CNTNAP4: variants seen among roughly 807,000 people sequenced by gnomAD.
CNTNAP4 encodes the protein contactin associated protein family member 4.
A neutral mutation model predicts 148.4 loss-of-function variants in CNTNAP4; 98 were observed. That is an observed-to-expected ratio of 0.66 (90% CI 0.56 to 0.78). The LOEUF (loss-of-function observed/expected upper bound fraction) is 0.78, where lower values mean the gene tolerates loss of function less well. Ranked by LOEUF, CNTNAP4 falls within the 30% of genes least tolerant of loss-of-function variation. The pLI is 0.00. For synonymous variants in CNTNAP4, 730 were observed against 565.1 expected, an observed-to-expected ratio of 1.29 and a Z score of -4.14; for missense variants, 1,935 against 1,565.6, an observed-to-expected ratio of 1.24 and a Z score of -3.98.
At chr16:76,552,596 G>T (rs1212109818) in intron 21 of CNTNAP4, among the ~76,000 whole-genome samples, 1 of 152,090 alleles carries the variant, frequency 6.6e-6, no homozygotes, top group East Asian at 1.9e-4. Context: ...TGTCTTTAGA[G>T]GGCACAGATA....
intron 21 of CNTNAP4, among the ~76,000 whole-genome samples, chr16:76,545,263 A>G (rs2084661330): frequency 6.6e-6 from 1 of 152,192 alleles, no homozygotes; most frequent in Non-Finnish European, 1.5e-5. Flanking sequence ...TGAAGGCTTT[A>G]GTCGATTCCA....
chr16:76,523,552 A>G (rs1388796113), intron 17 of CNTNAP4, among the ~76,000 whole-genome samples: 1 of 152,152 alleles, frequency 6.6e-6, no homozygotes. Context: ...TGGACCATGA[A>G]TTATCTCTTA....
intron 3 of CNTNAP4, among the ~76,000 whole-genome samples, chr16:76,379,508 G>A (rs1449430026): frequency 6.6e-6 from 1 of 152,070 alleles, no homozygotes; most frequent in Non-Finnish European, 1.5e-5. Context: ...ATTCCAAAAT[G>A]TACTACTCTT....
At chr16:76,364,958 G>A (rs2013929016) in intron 3 of CNTNAP4, among the ~76,000 whole-genome samples, 1 of 152,150 alleles carries the variant, frequency 6.6e-6, no homozygotes, top group Non-Finnish European at 1.5e-5. Flanking sequence ...CCATGCCTAG[G>A]TCCTGAATGG....
At chr16:76,410,201 A>G (rs1203669853) in intron 3 of CNTNAP4, among the ~76,000 whole-genome samples, 1 of 151,736 alleles carries the variant, frequency 6.6e-6, no homozygotes, top group African/African-American at 2.4e-5. Context: ...GGGAGTATTA[A>G]TATTTCACTT....
intron 3 of CNTNAP4, among the ~76,000 whole-genome samples, chr16:76,421,973 C>T (rs2079206309): frequency 6.6e-6 from 1 of 152,146 alleles, no homozygotes; most frequent in African/African-American, 2.4e-5. Flanking sequence ...ATATGGGCAT[C>T]TCCCTTTATA....
Position 76,553,415 on chromosome 16 carries a change from C to T in CNTNAP4, c.3575C>T (p.Thr1192Ile). The T allele has an allele frequency of 6.2e-7, 1 of 1,612,666 alleles. No homozygotes were observed. The highest frequency in any genetic ancestry group is 8.5e-7 in the Non-Finnish European group (1 of 1,179,324). Residue 1192 changes from threonine (T) to isoleucine (I), a missense_variant, in exon 22 of 24, where the codon ACT becomes ATT. By Grantham distance (89) the Thr-to-Ile change is moderately conservative. Coordinates refer to ENST00000611870, the MANE Select transcript of CNTNAP4 (RefSeq NM_033401.5). ...CACCCCAGCCACCCAGACCCTGTCA[C>T]TGTTACAGGACACGTGACTGAGTCC... ...ALHPSHPDPVTVTGHVTESSC... is the reference protein window; with the variant it reads ...ALHPSHPDPVIVTGHVTESSC...
intron 1 of CNTNAP4, among the ~76,000 whole-genome samples, chr16:76,294,715 G>A (rs1456812919): frequency 2.6e-5 from 4 of 151,948 alleles, no homozygotes; most frequent in Non-Finnish European, 5.9e-5. Flanking sequence ...AACTTCTTGG[G>A]GTTTCACTTT....
At chr16:76,311,396 T>C (rs1476424652) in intron 1 of CNTNAP4, among the ~76,000 whole-genome samples, 2 of 152,154 alleles carry the variant, frequency 1.3e-5, no homozygotes, top group African/African-American at 4.8e-5. Flanking sequence ...AAATGGTGAC[T>C]TTTCTGAGAT....
In CNTNAP4 at chr16:76,453,805, G is replaced by A. The variant is rs552141501; in HGVS notation, c.1333+1036G>A. ...ACTATTGTAGTTTAAATACGGAACC[G>A]AGAATTCGATATTAGTTATAATTTT... On this transcript the variant is annotated intron_variant, in intron 8 of 23. Transcript: ENST00000611870. Among the ~76,000 whole-genome samples the A allele has an allele frequency of 1.9e-3, 292 of 152,088 alleles. 1 individual carries two copies. The highest frequency in any genetic ancestry group is 6.5e-3 in the African/African-American group (271 of 41,500).
chr16:76,333,630 T>C (rs1963738652), intron 2 of CNTNAP4, among the ~76,000 whole-genome samples: 1 of 152,150 alleles, frequency 6.6e-6, no homozygotes, highest in Admixed American at 6.5e-5. Flanking sequence ...CTCCTGTGAA[T>C]GGACTCTACA....
chr16:76,504,579 A>G (rs1046427965), intron 15 of CNTNAP4, among the ~76,000 whole-genome samples: 3 of 152,258 alleles, frequency 2.0e-5, no homozygotes, highest in South Asian at 2.1e-4. Flanking sequence ...TAGATACAAC[A>G]CTAAAAGTAC....
chr16:76,375,024 C>T lies in CNTNAP4; in HGVS notation c.390+19513C>T, dbSNP rs181032720. Among the ~76,000 whole-genome samples the T allele has an allele frequency of 6.8e-3, 1,033 of 152,170 alleles. 7 individuals are homozygous for T. The highest frequency in any genetic ancestry group is 0.022 in the African/African-American group (933 of 41,534). The stretch of plus-strand genomic sequence containing the variant: ...CCTCAGGTGATCTGCCCGCCTTGGC[C>T]TCCCAAAATGCTGGGATTACAGGCG... On this transcript the variant is annotated intron_variant, in intron 3 of 23. Coordinates refer to ENST00000611870, the MANE Select transcript of CNTNAP4 (RefSeq NM_033401.5).
Position 76,408,049 on chromosome 16 carries a change from TATG to T in CNTNAP4, c.391-19400_391-19398del, listed in dbSNP as rs201013260. On this transcript the variant is annotated intron_variant, in intron 3 of 23. Coordinates refer to ENST00000611870, the MANE Select transcript of CNTNAP4 (RefSeq NM_033401.5). ...ATTAAAATTTACTGAAGACTGAGATTATGATTAGTATTTTTTTTAGCAATCAAG... is the reference window on the plus strand; with the variant it reads ...ATTAAAATTTACTGAAGACTGAGATTATTAGTATTTTTTTTAGCAATCAAG... Among the ~76,000 whole-genome samples the T allele has an allele frequency of 1.7e-3, 261 of 151,526 alleles. 1 individual carries two copies. Among genetic ancestry groups the T allele is most frequent in the African/African-American group, 6.1e-3 (251 of 40,882 alleles).
chr16:76,420,474 C>G (rs2053217132), intron 3 of CNTNAP4, among the ~76,000 whole-genome samples: 1 of 151,912 alleles, frequency 6.6e-6, no homozygotes, highest in Non-Finnish European at 1.5e-5. Flanking sequence ...TATAATTCCC[C>G]ACAGATTGGA....
At position 76,495,075 on chromosome 16, in the gene CNTNAP4, CA is replaced by C; in HGVS notation, c.2237+10del. 1 of 1,611,508 alleles carries C rather than the reference CA, an allele frequency of 6.2e-7. No individual in the cohort carries two copies. ...GCTGACCGGAATGAATGGTGATTTC[CA>C]TATGATTTCTTTATGCAAGAAAAAG... On this transcript the variant is annotated intron_variant, in intron 14 of 23. Coordinates refer to ENST00000611870, the MANE Select transcript of CNTNAP4 (RefSeq NM_033401.5).
intron 3 of CNTNAP4, among the ~76,000 whole-genome samples, chr16:76,418,891 C>T (rs953283770): frequency 6.6e-6 from 1 of 151,990 alleles, no homozygotes; most frequent in Admixed American, 6.6e-5. Flanking sequence ...GCTATAGGTA[C>T]TATAGGTACC....
intron 3 of CNTNAP4, among the ~76,000 whole-genome samples, chr16:76,377,711 T>A (rs1452641619): frequency 1.3e-5 from 2 of 152,190 alleles, no homozygotes; most frequent in Non-Finnish European, 2.9e-5. Context: ...GGAGAATAAA[T>A]GTGTTTTCTC....
rs1213281724 is a variant in CNTNAP4, at chr16:76,401,128, C to A, written c.391-26324C>A. Among the ~76,000 whole-genome samples the A allele has an allele frequency of 2.0e-5, 3 of 152,076 alleles. No homozygotes were observed. The East Asian group carries it at 5.8e-4, about 29-fold the overall frequency. ...TATTGAATCTGTACATTGCTTTGGG[C>A]AGTACGGCCATTTTAATGATAGTGA... On this transcript the variant is annotated intron_variant, in intron 3 of 23. Transcript: ENST00000611870.
Sources: allele counts gnomAD v4.1 joint callset (sites outside exome capture counted in the v4.1 genomes callset), GRCh38; gene constraint gnomAD v4.1.1; transcripts MANE v1.5; gene names NCBI Gene and HGNC (gene_info 2026-07-23, HGNC 2026-07-21).